The following PIWIL2 variants were observed in gnomAD, a reference collection of about 807,000 sequenced individuals.
PIWIL2 encodes the protein piwi-like protein 2.
A neutral mutation model predicts 116.5 loss-of-function variants in PIWIL2; 81 were observed. The ratio of observed to expected loss-of-function variants is 0.70; its 90% CI spans 0.58 to 0.84. PIWIL2 has a LOEUF of 0.84. PIWIL2 is among the 40% of genes least tolerant of loss of function. The pLI is 0.00. For missense variants in PIWIL2, 1,272 were observed against 1,212.3 expected, an observed-to-expected ratio of 1.05 and a Z score of -0.73; for synonymous variants, 489 against 429.5, an observed-to-expected ratio of 1.14 and a Z score of -1.71.
intron 20 of PIWIL2, among the ~76,000 whole-genome samples, chr8:22,333,692 A>G (rs1176034625): frequency 6.6e-6 from 1 of 152,048 alleles, no homozygotes; most frequent in Non-Finnish European, 1.5e-5. Context: ...CCAGAAGGTT[A>G]GTGGTTGCCT....
intron 10 of PIWIL2, among the ~76,000 whole-genome samples, chr8:22,301,147 T>C (rs991759740): frequency 2.7e-5 from 4 of 150,938 alleles, no homozygotes; most frequent in Non-Finnish European, 4.4e-5. Context: ...GCCCAGCTAA[T>C]TAAAAAAAAT....
At chr8:22,352,899 C>T in intron 20 of PIWIL2, 60 bp from the exon 21 acceptor site, 1 of 1,546,188 alleles carries the variant, frequency 6.5e-7, no homozygotes, top group Non-Finnish European at 8.8e-7. Flanking sequence ...GGGCCTCTCA[C>T]TGACTGTGGT....
chr8:22,353,647 C>CA (rs1439933207), intron 21 of PIWIL2, among the ~76,000 whole-genome samples: 1 of 147,766 alleles, frequency 6.8e-6, no homozygotes, highest in African/African-American at 2.5e-5. Context: ...CAAAACGAAA[C>CA]AAAAAAGATT....
At chr8:22,304,263 C>T (rs1831123452) in intron 11 of PIWIL2, 54 bp downstream of exon 11, 10 of 1,145,468 alleles carry the variant, frequency 8.7e-6, no homozygotes, top group South Asian at 2.7e-5. Context: ...ATGTAGTCCA[C>T]GTTCTCCAGC....
chr8:22,345,480 G>A (rs1040408759), intron 20 of PIWIL2, among the ~76,000 whole-genome samples: 14 of 151,978 alleles, frequency 9.2e-5, no homozygotes, highest in Non-Finnish European at 1.9e-4. Context: ...GGGCAACATG[G>A]CGAAACCGCA....
Position 22,305,924 on chromosome 8 carries a change from A to G in PIWIL2, c.1456-3A>G. 1 of 1,612,152 alleles carries G rather than the reference A, an allele frequency of 6.2e-7. No individual in the cohort carries two copies. Among genetic ancestry groups the G allele is most frequent in the Non-Finnish European group, 8.5e-7 (1 of 1,178,276 alleles). On this transcript the variant is annotated splice_region_variant and splice_polypyrimidine_tract_variant and intron_variant, in intron 12 of 22. Coordinates refer to ENST00000356766, the MANE Select transcript of PIWIL2 (RefSeq NM_018068.5). ...ATTTTCCCTCTTCGTTCTCTCTTCA[A>G]AGCTGCTAAAAGGGGAAATCCTGCT...
At chr8:22,318,411 G>A in intron 20 of PIWIL2, 136 bp downstream of exon 20, 1 of 554,262 alleles carries the variant, frequency 1.8e-6, no homozygotes, top group East Asian at 3.1e-5. Flanking sequence ...TCTGCCTCCT[G>A]GGTTCAAGCG....
chr8:22,345,750 G>A (rs1339078932), intron 20 of PIWIL2, among the ~76,000 whole-genome samples: 1 of 152,138 alleles, frequency 6.6e-6, no homozygotes, highest in East Asian at 1.9e-4. Context: ...GCATATAATG[G>A]AATACTATTC....
chr8:22,328,823 T>TTG (rs1172975325), intron 20 of PIWIL2, among the ~76,000 whole-genome samples: 3 of 150,760 alleles, frequency 2.0e-5, no homozygotes, highest in Non-Finnish European at 4.4e-5. Context: ...TAGTCGTTTT[T>TTG]TTTTTTTTTT....
intron 20 of PIWIL2, among the ~76,000 whole-genome samples, chr8:22,343,127 G>A (rs1212425948): frequency 6.6e-6 from 1 of 152,056 alleles, no homozygotes; most frequent in Non-Finnish European, 1.5e-5. Flanking sequence ...CTTAGGCCAG[G>A]CGCAGTGGCT....
chr8:22,316,118 TCCCAG>T, intron 18 of PIWIL2, 122 bp from the exon 19 acceptor site: 1 of 610,472 alleles, frequency 1.6e-6, no homozygotes, highest in Non-Finnish European at 2.9e-6. Flanking sequence ...TTTTTTTCTT[TCCCAG>T]AACTTACTTT....
At chr8:22,319,851 C>T (rs2132060651) in intron 20 of PIWIL2, among the ~76,000 whole-genome samples, 1 of 152,338 alleles carries the variant, frequency 6.6e-6, no homozygotes, top group East Asian at 1.9e-4. Flanking sequence ...TTCTAATTGT[C>T]CAAGGAGTCA....
intron 4 of PIWIL2, 29 bp downstream of exon 4, chr8:22,281,544 A>G (rs751518480): frequency 1.5e-5 from 23 of 1,523,450 alleles, no homozygotes; most frequent in East Asian, 7.0e-5. Flanking sequence ...TCAGGTAACT[A>G]TCAAATTCAG....
intron 20 of PIWIL2, among the ~76,000 whole-genome samples, chr8:22,346,979 G>T (rs1336797740): frequency 6.6e-6 from 1 of 151,690 alleles, no homozygotes; most frequent in East Asian, 1.9e-4. Flanking sequence ...TTCAAGACCA[G>T]CCTGGACAAC....
Position 22,309,974 on chromosome 8 carries a change from T to G in PIWIL2, c.1700T>G (p.Val567Gly). 6.2e-7 allele frequency: 1 copy of G among 1,600,580 alleles called. No homozygotes were observed. Among genetic ancestry groups the G allele is most frequent in the Non-Finnish European group, 8.6e-7 (1 of 1,167,768 alleles). The change falls in exon 15 of 23, where the codon GTT becomes GGT. Residue 567 changes from valine (V) to glycine (G), a missense_variant. Val to Gly is a moderately radical substitution (Grantham distance 109). Coordinates refer to ENST00000356766, the MANE Select transcript of PIWIL2 (RefSeq NM_018068.5). ...TTTTCTGTTTAGATTGAAGGACGTGTTCTGCCAATGGAAAGAATTAACTTA... is the reference window on the plus strand; with the variant it reads ...TTTTCTGTTTAGATTGAAGGACGTGGTCTGCCAATGGAAAGAATTAACTTA... ...QKDVHKIEGR[V>G]LPMERINLKN...
At chr8:22,296,056 T>TTTG (rs1554499137) in intron 10 of PIWIL2, among the ~76,000 whole-genome samples, 4,998 of 116,584 alleles carry the variant, frequency 0.043, 108 homozygotes, top group African/African-American at 0.054. Context: ...TTTTTTTTTT[T>TTTG]TTGTTGTTGT....
At chr8:22,304,273 C>G in intron 11 of PIWIL2, 64 bp downstream of exon 11, 1 of 1,048,998 alleles carries the variant, frequency 9.5e-7, no homozygotes, top group Admixed American at 2.0e-5. Flanking sequence ...CGTTCTCCAG[C>G]AGATATTGAG....
Position 22,354,303 on chromosome 8 carries a change from G to A in PIWIL2, c.2690G>A (p.Arg897Gln), listed in dbSNP as rs764294268. The A allele has an allele frequency of 1.5e-5, 25 of 1,613,174 alleles. No individual in the cohort carries two copies. The highest frequency in any genetic ancestry group is 2.2e-5 in the South Asian group (2 of 91,056). The change falls in exon 22 of 23, where the codon CGG becomes CAG. Residue 897 changes from arginine to glutamine, a missense_variant. Physicochemically the swap from Arg to Gln is conservative, Grantham distance 43 (BLOSUM62 1). Transcript: ENST00000356766. ...TTCTATCTTCTTGCCCATCATGTAC[G>A]GCAGGGCTGTGGCATTCCTACGCAT... ...VDFYLLAHHVRQGCGIPTHYV... is the reference protein window; with the variant it reads ...VDFYLLAHHVQQGCGIPTHYV...
chr8:22,281,305 T>TA, intron 3 of PIWIL2, 72 bp from the exon 4 acceptor site: 14 of 1,558,666 alleles, frequency 9.0e-6, no homozygotes, highest in East Asian at 4.5e-5. Context: ...TGTGCTTTTT[T>TA]TAAAAAAAAA....
Sources: allele counts gnomAD v4.1 joint callset (sites outside exome capture counted in the v4.1 genomes callset), GRCh38; gene constraint gnomAD v4.1.1; transcripts MANE v1.5; gene names NCBI Gene and HGNC (gene_info 2026-07-23, HGNC 2026-07-21).